SLC4A10: variants seen among roughly 807,000 people sequenced by gnomAD.
SLC4A10 encodes solute carrier family 4 member 10.
A neutral mutation model predicts 137.7 loss-of-function variants in SLC4A10; 42 were observed. That is an observed-to-expected ratio of 0.30 (90% confidence interval 0.24 to 0.39). SLC4A10 has a LOEUF of 0.39. SLC4A10 is among the 10% of genes least tolerant of loss of function. The pLI is 1.00. For synonymous variants in SLC4A10, 474 were observed against 464.1 expected (o/e 1.02, Z -0.27); for missense variants, 925 against 1,355.0 (o/e 0.68, Z 4.98).
intron 1 of SLC4A10, among the ~76,000 whole-genome samples, chr2:161,689,576 G>C (rs1241076451): frequency 6.6e-6 from 1 of 152,152 alleles, no homozygotes; most frequent in South Asian, 2.1e-4. Context: ...GCATCATGAC[G>C]AAATTGCCTA....
At chr2:161,852,378 CAT>C (rs375172154) in intron 4 of SLC4A10, among the ~76,000 whole-genome samples, 19 of 152,256 alleles carry the variant, frequency 1.2e-4, no homozygotes, top group African/African-American at 4.3e-4. Context: ...AAATCCACAG[CAT>C]ATGTCAGTAG....
Position 161,928,087 on chromosome 2 carries a change from G to A in SLC4A10, c.1998-14705G>A, listed in dbSNP as rs867774564. On this transcript the variant is annotated intron_variant, in intron 15 of 26. Transcript: ENST00000446997. Reference sequence around the variant, plus strand: ...CACATGCACACGTATGTTTATTGTGGCATTATTCACAATAGCAAAGACTTG... The same window carrying A: ...CACATGCACACGTATGTTTATTGTGACATTATTCACAATAGCAAAGACTTG... 4.1e-3 allele frequency among the ~76,000 whole-genome samples: 619 copies of A among 150,842 alleles called. 5 individuals carry two copies. The highest frequency in any genetic ancestry group is 0.014 in the African/African-American group (587 of 40,962).
intron 1 of SLC4A10, among the ~76,000 whole-genome samples, chr2:161,717,488 T>G (rs556860609): frequency 1.2e-4 from 18 of 152,128 alleles, no homozygotes; most frequent in Non-Finnish European, 2.4e-4. Context: ...TTATTTAGAG[T>G]TTTTAAGACG....
In SLC4A10 at chr2:161,870,323, T is replaced by C. The variant is rs182118158; in HGVS notation, c.767-1970T>C. Among the ~76,000 whole-genome samples the C allele has an allele frequency of 9.2e-5, 14 of 151,820 alleles. No homozygotes were observed. In the East Asian group the frequency reaches 2.5e-3, roughly 27 times the overall value. On this transcript the variant is annotated intron_variant, in intron 6 of 26. Transcript: ENST00000446997. ...AATGTTAAGTTCCGCATATTTTCTATCCAATTCAAAATTTAATCTCTTCAA... is the reference window on the plus strand; with the variant it reads ...AATGTTAAGTTCCGCATATTTTCTACCCAATTCAAAATTTAATCTCTTCAA...
At chr2:161,717,399 G>C (rs2045050053) in intron 1 of SLC4A10, among the ~76,000 whole-genome samples, 1 of 152,172 alleles carries the variant, frequency 6.6e-6, no homozygotes, top group African/African-American at 2.4e-5. Context: ...TCCAGCTTTT[G>C]CCCATGCAGT....
chr2:161,703,317 A>G (rs1004604987), intron 1 of SLC4A10, among the ~76,000 whole-genome samples: 8 of 151,722 alleles, frequency 5.3e-5, no homozygotes, highest in African/African-American at 1.9e-4. Context: ...TGGTACCTCT[A>G]TTTGATAGAA....
intron 19 of SLC4A10, among the ~76,000 whole-genome samples, chr2:161,951,799 T>C (rs1057187428): frequency 6.6e-6 from 1 of 152,132 alleles, no homozygotes; most frequent in African/African-American, 2.4e-5. Flanking sequence ...ATTGCAGTTT[T>C]TGCCATTACT....
At chr2:161,707,933 AT>A (rs1449102921) in intron 1 of SLC4A10, among the ~76,000 whole-genome samples, 2 of 151,436 alleles carry the variant, frequency 1.3e-5, no homozygotes, top group Non-Finnish European at 3.0e-5. Context: ...GGCGCTCATC[AT>A]TTTGATGGGT....
intron 1 of SLC4A10, among the ~76,000 whole-genome samples, chr2:161,674,761 G>T (rs1231132033): frequency 2.6e-5 from 4 of 152,172 alleles, no homozygotes. Flanking sequence ...TGGAGCAGCT[G>T]CTGGATACAA....
At chr2:161,763,099 C>A (rs964135022) in intron 1 of SLC4A10, among the ~76,000 whole-genome samples, 9 of 151,572 alleles carry the variant, frequency 5.9e-5, no homozygotes, top group African/African-American at 2.2e-4. Flanking sequence ...ATTTTTATAC[C>A]CTCTTTTTTA....
chr2:161,808,562 C>T (rs1459329826), intron 3 of SLC4A10, among the ~76,000 whole-genome samples: 1 of 152,064 alleles, frequency 6.6e-6, no homozygotes, highest in Non-Finnish European at 1.5e-5. Context: ...ACCCTTGTTC[C>T]CCACCCTCCT....
chr2:161,627,931 C>A (rs973184956), intron 1 of SLC4A10, among the ~76,000 whole-genome samples: 14 of 152,070 alleles, frequency 9.2e-5, no homozygotes, highest in African/African-American at 3.4e-4. Flanking sequence ...TCCAGCTAGA[C>A]TAGAAATAGG....
At chr2:161,963,820 A>G (rs1488771700) in intron 21 of SLC4A10, among the ~76,000 whole-genome samples, 1 of 152,168 alleles carries the variant, frequency 6.6e-6, no homozygotes, top group Non-Finnish European at 1.5e-5. Flanking sequence ...GAAAAAGAAG[A>G]TGGTTAATTA....
At chr2:161,906,918 T>C (rs1414519273) in intron 15 of SLC4A10, among the ~76,000 whole-genome samples, 1 of 151,446 alleles carries the variant, frequency 6.6e-6, no homozygotes, top group Non-Finnish European at 1.5e-5. Context: ...TAGCCAGGCG[T>C]GGTGGCGGGC....
At chr2:161,895,786 T>G (rs1466642453) in intron 11 of SLC4A10, among the ~76,000 whole-genome samples, 2 of 152,202 alleles carry the variant, frequency 1.3e-5, no homozygotes, top group African/African-American at 4.8e-5. Flanking sequence ...TAAATTTGTT[T>G]GAGTTCATTG....
intron 3 of SLC4A10, among the ~76,000 whole-genome samples, chr2:161,812,219 T>G (rs1290230402): frequency 6.6e-6 from 1 of 152,044 alleles, no homozygotes; most frequent in African/African-American, 2.4e-5. Context: ...TTAAAAAACT[T>G]TTCCATCCCG....
intron 3 of SLC4A10, among the ~76,000 whole-genome samples, chr2:161,831,097 T>C (rs2058407230): frequency 1.3e-5 from 2 of 152,132 alleles, no homozygotes; most frequent in African/African-American, 4.8e-5. Context: ...AAGGCTAATG[T>C]ACCTAGACTG....
At chr2:161,876,600 C>T (rs1480066052) in intron 8 of SLC4A10, among the ~76,000 whole-genome samples, 1 of 152,104 alleles carries the variant, frequency 6.6e-6, no homozygotes, top group Non-Finnish European at 1.5e-5. Context: ...ATCAGGATGG[C>T]TTGAGCCAGG....
Position 161,625,736 on chromosome 2 carries a change from C to T in SLC4A10, c.48+1170C>T, listed in dbSNP as rs563411233. On this transcript the variant is annotated intron_variant, in intron 1 of 26. Transcript: ENST00000446997. ...TGCAAAAAGATTCCAGTTTGCATCCCCGGAATCAACTGTGGCGACTGAGCA... is the reference window on the plus strand; with the variant it reads ...TGCAAAAAGATTCCAGTTTGCATCCTCGGAATCAACTGTGGCGACTGAGCA... Among the ~76,000 whole-genome samples the T allele has an allele frequency of 7.2e-5, 11 of 152,136 alleles. No individual in the cohort carries two copies. In the East Asian group the frequency reaches 1.9e-3, roughly 27 times the overall value.
Sources: gnomAD v4.1 joint callset for allele counts (sites outside exome capture counted in the v4.1 genomes callset) on GRCh38, gnomAD v4.1.1 for gene constraint, MANE v1.5 for transcripts, NCBI Gene and HGNC (gene_info 2026-07-23, HGNC 2026-07-21) for gene names.